Variants in CDC34 observed in about 807,000 individuals in gnomAD.
CDC34 encodes cell division cycle 34, ubiquitin conjugating enzyme.
In CDC34, 18 loss-of-function variants were observed where a neutral mutation model predicts 26.8. That is an observed-to-expected ratio of 0.67 (90% CI 0.47 to 1.00). The LOEUF (loss-of-function observed/expected upper bound fraction) is 1.00. CDC34 is among the 50% of genes least tolerant of loss of function. The pLI is 0.00. For missense variants in CDC34, 280 were observed against 334.5 expected (o/e 0.84, Z 1.27); for synonymous variants, 178 against 147.5 (o/e 1.21, Z -1.50).
Position 536,993 on chromosome 19 carries a change from C to G in CDC34, c.363-20C>G. On this transcript the variant is annotated intron_variant, in intron 3 of 4. Coordinates refer to ENST00000215574, the MANE Select transcript of CDC34 (RefSeq NM_004359.2). Reference sequence around the variant, plus strand: ...CTGGGGTGCCCCGGGCCGCCCCACTCCGACCCACTCTCCCCACAGGACCAT... The same window carrying G: ...CTGGGGTGCCCCGGGCCGCCCCACTGCGACCCACTCTCCCCACAGGACCAT... 1 of 1,613,210 alleles carries G rather than the reference C, an allele frequency of 6.2e-7. No individual in the cohort carries two copies. Among genetic ancestry groups the G allele is most frequent in the South Asian group, 1.1e-5 (1 of 91,078 alleles).
At chr19:537,278 G>T in intron 4 of CDC34, 131 bp downstream of exon 4, 1 of 1,059,208 alleles carries the variant, frequency 9.4e-7, no homozygotes, top group Non-Finnish European at 1.4e-6. Flanking sequence ...CATTTACAGG[G>T]TGCCAGTCAC....
intron 4 of CDC34, chr19:538,915 C>T (rs148705017): frequency 5.3e-5 from 52 of 985,248 alleles, no homozygotes; most frequent in African/African-American, 5.1e-4. Flanking sequence ...CCGGTCCGGT[C>T]GTGTCACCTG....
chr19:539,369 G>T (rs1417647516), intron 4 of CDC34, among the ~76,000 whole-genome samples: 1 of 145,700 alleles, frequency 6.9e-6, no homozygotes, highest in Admixed American at 7.0e-5. Flanking sequence ...CGTCCACCCT[G>T]GCCCTCCCCT....
chr19:533,376 T>C (rs1426016324), intron 1 of CDC34, among the ~76,000 whole-genome samples: 3 of 152,188 alleles, frequency 2.0e-5, no homozygotes, highest in Non-Finnish European at 2.9e-5. Context: ...AGCTAATTAG[T>C]GTCTGAACCG....
intron 4 of CDC34, 109 bp downstream of exon 4, chr19:537,256 C>A: frequency 7.9e-7 from 1 of 1,272,616 alleles, no homozygotes; most frequent in Non-Finnish European, 1.1e-6. Context: ...GGTGGCGGAG[C>A]TTCCTGGTGC....
intron 1 of CDC34, among the ~76,000 whole-genome samples, chr19:533,104 A>G (rs553929381): frequency 9.9e-5 from 15 of 152,198 alleles, no homozygotes; most frequent in African/African-American, 3.1e-4. Flanking sequence ...AGTTTTCTTG[A>G]TCTCACGATC....
At chr19:540,182 G>A (rs1979950444) in intron 4 of CDC34, among the ~76,000 whole-genome samples, 1 of 2,756 alleles carries the variant, frequency 3.6e-4, no homozygotes, top group African/African-American at 5.9e-4. Flanking sequence ...TCCGGAGGCC[G>A]GGGTGGCCAG....
chr19:532,579 C>T (rs1979546444), intron 1 of CDC34, among the ~76,000 whole-genome samples: 2 of 152,224 alleles, frequency 1.3e-5, no homozygotes, highest in South Asian at 4.1e-4. Flanking sequence ...CCCCCCAGAC[C>T]CCGTAGCTGC....
chr19:532,993 G>A (rs1290607719), intron 1 of CDC34, among the ~76,000 whole-genome samples: 1 of 152,174 alleles, frequency 6.6e-6, no homozygotes, highest in African/African-American at 2.4e-5. Flanking sequence ...TCTGCCCTCT[G>A]GCGGTTTAAT....
intron 1 of CDC34, among the ~76,000 whole-genome samples, chr19:533,282 G>A (rs1404716690): frequency 9.9e-5 from 15 of 152,198 alleles, no homozygotes; most frequent in Non-Finnish European, 4.4e-5. Context: ...CGACACTGCA[G>A]GGCCCGGCCC....
In CDC34 at chr19:531,910, C is replaced by T. The variant is rs1274141917; in HGVS notation, c.-22C>T. 4.3e-6 allele frequency: 6 copies of T among 1,395,774 alleles called. No homozygotes were observed. The highest frequency in any genetic ancestry group is 3.9e-5 in the Admixed American group (1 of 25,568). 86.5% of individuals were successfully genotyped at this position (1,395,774 alleles called of 1,614,324 possible). On this transcript the variant is annotated 5_prime_UTR_variant, in exon 1 of 5. Coordinates refer to ENST00000215574, the MANE Select transcript of CDC34 (RefSeq NM_004359.2). ...TCGCGCGGCCCCGCGCTGCTCCGACCCCGGGCCCCTCCGCCGCCGCCATGG... is the reference window on the plus strand; with the variant it reads ...TCGCGCGGCCCCGCGCTGCTCCGACTCCGGGCCCCTCCGCCGCCGCCATGG...
intron 4 of CDC34, among the ~76,000 whole-genome samples, chr19:537,598 T>C (rs2011211): frequency 0.93 from 138,129 of 148,148 alleles, 64,423 homozygotes; most frequent in East Asian, 1. Context: ...GTGATCCATC[T>C]GCCTCGGCCT....
In CDC34 at chr19:535,848, G is replaced by A; in HGVS notation, c.189G>A (p.Lys63=). 2 of 1,613,770 alleles carry A rather than the reference G, an allele frequency of 1.2e-6. No homozygotes were observed. The highest frequency in any genetic ancestry group is 8.5e-7 in the Non-Finnish European group (1 of 1,179,958). ...YEGGYFKARL[K]FPIDYPYSPP... ...TTCTGCCCCTGCAGGCGCGCCTCAA[G>A]TTCCCCATCGACTACCCATACTCTC... Residue 63 remains lysine, a synonymous_variant, in exon 2 of 5, where the codon AAG becomes AAA. Transcript: ENST00000215574.
chr19:538,625 A>G, intron 4 of CDC34: 1 of 847,208 alleles, frequency 1.2e-6, no homozygotes, highest in Non-Finnish European at 1.4e-6. Flanking sequence ...CAGAATCTTA[A>G]AAACAACTTT....
At chr19:535,687 G>C (rs756935173) in intron 1 of CDC34, 150 bp from the exon 2 acceptor site, 1 of 714,008 alleles carries the variant, frequency 1.4e-6, no homozygotes, top group Non-Finnish European at 2.5e-6. Flanking sequence ...CCCCAGGCCT[G>C]TGAGAGTCCC....
Position 532,009 on chromosome 19 carries a change from G to A in CDC34, c.78G>A (p.Glu26=). 1.3e-6 allele frequency: 2 copies of A among 1,509,608 alleles called. No homozygotes were observed. Among genetic ancestry groups the A allele is most frequent in the South Asian group, 2.6e-5 (2 of 77,294 alleles). 93.5% of individuals were successfully genotyped at this position (1,509,608 alleles called of 1,614,324 possible). The change falls in exon 1 of 5, where the codon GAG becomes GAA. Residue 26 remains glutamate (E), a synonymous_variant. Coordinates refer to ENST00000215574, the MANE Select transcript of CDC34 (RefSeq NM_004359.2). ...AGGGGCTGCAGGAAGAGCCGGTCGA[G>A]GGATTCCGCGTGACACTGGTGGACG... ...ELKGLQEEPV[E]GFRVTLVDEG...
At chr19:540,744 G>A in intron 4 of CDC34, among the ~76,000 whole-genome samples, 1 of 82,276 alleles carries the variant, frequency 1.2e-5, no homozygotes, top group African/African-American at 4.1e-5. Flanking sequence ...TTAGAATCCG[G>A]AGGCTGGGAT....
At chr19:534,225 C>G (rs1979621537) in intron 1 of CDC34, among the ~76,000 whole-genome samples, 1 of 152,068 alleles carries the variant, frequency 6.6e-6, no homozygotes, top group Admixed American at 6.5e-5. Flanking sequence ...GACTGAAGTT[C>G]CAGCCTTGCT....
chr19:536,234 C>G lies in CDC34; in HGVS notation c.265-9C>G, dbSNP rs763801256. ...CTGACCTGTTCTGACCTGTCTTCTT[C>G]TTGTGCAGACGGGGGACGTGTGTAT... is the stretch of plus-strand genomic sequence containing the variant. On this transcript the variant is annotated splice_polypyrimidine_tract_variant and intron_variant, in intron 2 of 4. Transcript: ENST00000215574. 1.3e-6 allele frequency: 2 copies of G among 1,599,664 alleles called. No homozygotes were observed. Among genetic ancestry groups the G allele is most frequent in the South Asian group, 1.1e-5 (1 of 89,268 alleles).
Sources: gnomAD v4.1 joint callset for allele counts (sites outside exome capture counted in the v4.1 genomes callset) on GRCh38, gnomAD v4.1.1 for gene constraint, MANE v1.5 for transcripts, NCBI Gene and HGNC (gene_info 2026-07-23, HGNC 2026-07-21) for gene names.